The following SAMD14 variants were observed in gnomAD, a reference collection of about 807,000 sequenced individuals.
The protein encoded by SAMD14 is sterile alpha motif domain containing 14.
A neutral mutation model predicts 46.2 loss-of-function variants in SAMD14; 27 were observed. The ratio of observed to expected loss-of-function variants is 0.58; its 90% CI spans 0.43 to 0.81. The LOEUF (loss-of-function observed/expected upper bound fraction) is 0.81, where lower values mean the gene tolerates loss of function less well. Ranked by LOEUF, SAMD14 falls within the 30% of genes least tolerant of loss-of-function variation. The pLI is 0.00. For synonymous variants in SAMD14, 241 were observed against 254.3 expected (o/e 0.95, Z 0.50); for missense variants, 559 against 582.2 (o/e 0.96, Z 0.41).
chr17:50,113,778 G>A (rs542534309), intron 9 of SAMD14, 146 bp downstream of exon 9: 1 of 856,788 alleles, frequency 1.2e-6, no homozygotes, highest in East Asian at 2.7e-5. Flanking sequence ...CTAGAGGTCA[G>A]AGGTCAGGGT....
chr17:50,118,312 A>G lies in SAMD14; in HGVS notation c.59T>C (p.Val20Ala), dbSNP rs1481929518. 1 of 1,613,280 alleles carries G rather than the reference A, an allele frequency of 6.2e-7. No individual in the cohort carries two copies. The highest frequency in any genetic ancestry group is 1.7e-5 in the Admixed American group (1 of 60,008). ...VDEVFDLDLA[V>A]PETARLDSSL... ...GCTGTCCAGTCTGGCCGTCTCTGGC[A>G]CAGCCAAGTCCAGGTCTGCGAACCG... is the stretch of plus-strand genomic sequence containing the variant. The change falls in exon 3 of 10, where the codon GTG (valine) becomes GCG (alanine). Residue 20 changes from valine to alanine, a missense_variant. Transcript: ENST00000330175.
rs1031951824 is a variant in SAMD14, at chr17:50,120,778, A to G, written c.44-2451T>C. Among the ~76,000 whole-genome samples, 8 of 152,198 alleles carry G rather than the reference A, an allele frequency of 5.3e-5. 1 individual carries two copies. In the South Asian group the frequency reaches 6.2e-4, roughly 12 times the overall value. ...CCTTTTTCTGCAAGGCTCTTTCCACAGATTTCTGCGTGGTTCTCTCCCTCA... is the reference window on the plus strand; with the variant it reads ...CCTTTTTCTGCAAGGCTCTTTCCACGGATTTCTGCGTGGTTCTCTCCCTCA... On this transcript the variant is annotated intron_variant, in intron 2 of 9. Transcript: ENST00000330175.
chr17:50,124,823 G>A, intron 2 of SAMD14, 94 bp downstream of exon 2: 1 of 1,198,136 alleles, frequency 8.3e-7, no homozygotes, highest in South Asian at 1.2e-5. Context: ...AAGCTGCCAA[G>A]AAGCACCCTA....
At chr17:50,126,545 T>C (rs1911782260) in intron 1 of SAMD14, among the ~76,000 whole-genome samples, 1 of 151,970 alleles carries the variant, frequency 6.6e-6, no homozygotes, top group South Asian at 2.1e-4. Context: ...GACCTCGTGA[T>C]CCACCCGCCT....
intron 2 of SAMD14, among the ~76,000 whole-genome samples, chr17:50,122,719 C>T (rs990059717): frequency 1.3e-5 from 2 of 152,000 alleles, no homozygotes; most frequent in Non-Finnish European, 1.5e-5. Context: ...AATATGGCAG[C>T]CAGGCTGAGG....
rs1408672341 is a variant in SAMD14 at position 50,117,709 on chromosome 17, C to T, written c.211-14G>A. ...GCCATCGGTCACCTGGACGAGGGGG[C>T]AGCCGCTCACCGAGAACCCTCCTCC... On this transcript the variant is annotated splice_polypyrimidine_tract_variant and intron_variant, in intron 3 of 9. Coordinates refer to ENST00000330175, the MANE Select transcript of SAMD14 (RefSeq NM_001257359.2). 5 of 1,426,070 alleles carry T rather than the reference C, an allele frequency of 3.5e-6. No homozygotes were observed. The highest frequency in any genetic ancestry group is 3.7e-6 in the Non-Finnish European group (4 of 1,095,580). The allele number at this position is 1,426,070 out of a possible 1,614,324, so 88.3% of individuals were successfully genotyped here. A position where few individuals can be genotyped will look rare whatever the true frequency, so the allele number is the denominator to read the frequency against.
chr17:50,118,033 G>T, intron 3 of SAMD14, 128 bp downstream of exon 3: 3 of 997,118 alleles, frequency 3.0e-6, no homozygotes, highest in Non-Finnish European at 2.9e-6. Context: ...CTAACACTTG[G>T]CAGCATTACT....
chr17:50,124,120 C>T (rs1018096324), intron 2 of SAMD14: 1 of 456,228 alleles, frequency 2.2e-6, no homozygotes, highest in Non-Finnish European at 4.4e-6. Context: ...TTGCTCAGGA[C>T]TCCTCCTGAC....
At chr17:50,124,848 TG>T in intron 2 of SAMD14, 68 bp downstream of exon 2, 1 of 1,502,606 alleles carries the variant, frequency 6.7e-7, no homozygotes, top group Non-Finnish European at 9.3e-7. Context: ...CTTCAATGCC[TG>T]GTGGCCCAGG....
intron 2 of SAMD14, among the ~76,000 whole-genome samples, chr17:50,124,660 T>A (rs552909166): frequency 1.6e-4 from 24 of 152,158 alleles, no homozygotes; most frequent in Non-Finnish European, 2.8e-4. Flanking sequence ...GTATCTGGCA[T>A]AAGAGAAGCA....
intron 1 of SAMD14, among the ~76,000 whole-genome samples, chr17:50,128,612 G>T (rs151095487): frequency 1.3e-5 from 2 of 152,244 alleles, no homozygotes; most frequent in Non-Finnish European, 2.9e-5. Context: ...GAGCACCAAT[G>T]ACCTTTGACC....
chr17:50,126,397 C>T (rs991980705), intron 1 of SAMD14, among the ~76,000 whole-genome samples: 5 of 151,750 alleles, frequency 3.3e-5, no homozygotes, highest in East Asian at 1.9e-4. Flanking sequence ...CTCTGCCTCC[C>T]GGGTCCACGC....
Position 50,124,771 on chromosome 17 carries a change from G to GCACGCGCACACACA in SAMD14, c.43+145_43+146insTGTGTGTGCGCGTG, listed in dbSNP as rs1555563138. The GCACGCGCACACACA allele has an allele frequency of 3.2e-5, 18 of 569,688 alleles. 1 individual carries two copies. In the African/African-American group the frequency reaches 3.2e-4, roughly 10 times the overall value. The allele number at this position is 569,688 out of a possible 1,614,324, so 35.3% of individuals were successfully genotyped here. A position where few individuals can be genotyped will look rare whatever the true frequency, so the allele number is the denominator to read the frequency against. On this transcript the variant is annotated intron_variant, in intron 2 of 9. Transcript: ENST00000330175. Reference sequence around the variant, plus strand: ...TACCTGCACGCGTGCACGCGCGCGCGCACACACACACACACACACACACAC... The same window carrying GCACGCGCACACACA: ...TACCTGCACGCGTGCACGCGCGCGCGCACGCGCACACACACACACACACACACACACACACACAC...
At chr17:50,116,609 G>A (rs1911222179) in intron 4 of SAMD14, among the ~76,000 whole-genome samples, 2 of 151,928 alleles carry the variant, frequency 1.3e-5, no homozygotes, top group African/African-American at 4.8e-5. Flanking sequence ...GTTTCATCAT[G>A]TTGTCCAGGC....
chr17:50,126,247 C>G (rs1432274329), intron 1 of SAMD14, among the ~76,000 whole-genome samples: 1 of 152,036 alleles, frequency 6.6e-6, no homozygotes, highest in Non-Finnish European at 1.5e-5. Flanking sequence ...TCTTTTCCAA[C>G]TCTTCTTTTC....
intron 2 of SAMD14, 146 bp downstream of exon 2, chr17:50,124,771 G>GCGTGCACACA (rs71353620): frequency 7.0e-6 from 4 of 569,596 alleles, no homozygotes; most frequent in Non-Finnish European, 1.3e-5. Context: ...ACGCGCGCGC[G>GCGTGCACACA]CACACACACA....
chr17:50,113,218 G>T, intron 9 of SAMD14, 170 bp from the exon 10 acceptor site: 1 of 703,170 alleles, frequency 1.4e-6, no homozygotes, highest in Non-Finnish European at 2.3e-6. Context: ...AACCCCCAGA[G>T]CAAGAATTTG....
chr17:50,119,125 G>C (rs1192974044), intron 2 of SAMD14, among the ~76,000 whole-genome samples: 1 of 152,212 alleles, frequency 6.6e-6, no homozygotes, highest in African/African-American at 2.4e-5. Context: ...ACTGGCAGTG[G>C]CAGGAAGGAA....
At chr17:50,117,842 C>A in intron 3 of SAMD14, 147 bp from the exon 4 acceptor site, 1 of 866,514 alleles carries the variant, frequency 1.2e-6, no homozygotes, top group Non-Finnish European at 1.6e-6. Context: ...AGCGGGGTGG[C>A]TGGAGAGTGA....
Sources: allele counts gnomAD v4.1 joint callset (sites outside exome capture counted in the v4.1 genomes callset), GRCh38; gene constraint gnomAD v4.1.1; transcripts MANE v1.5; gene names NCBI Gene and HGNC (gene_info 2026-07-23, HGNC 2026-07-21).